The following BMPR1A variants were observed in gnomAD, a reference collection of about 807,000 sequenced individuals.
The protein encoded by BMPR1A is bone morphogenetic protein receptor type 1A, also known as bone morphogenetic protein receptor type-1A.
In BMPR1A, 7 loss-of-function variants were observed where a neutral mutation model predicts 66.0. That is an observed-to-expected ratio of 0.11 (90% CI 0.06 to 0.20). BMPR1A has a LOEUF of 0.20. Among genes scored for constraint, BMPR1A ranks in the 10% least tolerant of loss-of-function variants. BMPR1A has a pLI of 1.00. For missense variants in BMPR1A, 408 were observed against 669.1 expected (o/e 0.61, Z 4.31); for synonymous variants, 200 against 229.7 (o/e 0.87, Z 1.17).
chr10:86,899,748 T>G (rs1843278432), intron 5 of BMPR1A, 46 bp from the exon 6 acceptor site: 1 of 1,571,412 alleles, frequency 6.4e-7, no homozygotes. Context: ...ACATATCAGT[T>G]TAAAATACCA....
intron 1 of BMPR1A, among the ~76,000 whole-genome samples, chr10:86,789,296 CTT>C (rs1841564933): frequency 6.6e-6 from 1 of 152,142 alleles, no homozygotes; most frequent in Non-Finnish European, 1.5e-5. Flanking sequence ...ATAAATTAAA[CTT>C]TATCAAAATT....
At chr10:86,915,282 C>T (rs952640310) in intron 8 of BMPR1A, among the ~76,000 whole-genome samples, 3 of 152,070 alleles carry the variant, frequency 2.0e-5, no homozygotes, top group East Asian at 1.9e-4. Context: ...CCACCCGCCT[C>T]GGCCTCCCAA....
At chr10:86,792,816 G>T (rs1229883754) in intron 1 of BMPR1A, among the ~76,000 whole-genome samples, 1 of 152,108 alleles carries the variant, frequency 6.6e-6, no homozygotes, top group African/African-American at 2.4e-5. Flanking sequence ...ATTGTATTTG[G>T]ATTCTGTTGA....
intron 7 of BMPR1A, among the ~76,000 whole-genome samples, chr10:86,910,416 C>A (rs889013343): frequency 6.6e-6 from 1 of 152,020 alleles, no homozygotes; most frequent in African/African-American, 2.4e-5. Flanking sequence ...TACTATCTAG[C>A]CATTAAAGAA....
intron 4 of BMPR1A, among the ~76,000 whole-genome samples, chr10:86,891,810 T>C (rs1428354751): frequency 1.3e-5 from 2 of 152,258 alleles, no homozygotes; most frequent in Non-Finnish European, 2.9e-5. Flanking sequence ...CATAAAATTT[T>C]ATAAATCAGC....
At chr10:86,918,602 T>G (rs1843610870) in intron 9 of BMPR1A, among the ~76,000 whole-genome samples, 1 of 151,934 alleles carries the variant, frequency 6.6e-6, no homozygotes, top group Non-Finnish European at 1.5e-5. Context: ...ATATGTCATC[T>G]TTTTCTTTTC....
Position 86,913,449 on chromosome 10 carries a change from A to G in BMPR1A, c.675+1065A>G, listed in dbSNP as rs186394492. On this transcript the variant is annotated intron_variant, in intron 8 of 12. Coordinates refer to ENST00000372037, the MANE Select transcript of BMPR1A (RefSeq NM_004329.3). Reference sequence around the variant, plus strand: ...ACCCTGATCTCTAATTTTGAAATTCATCTTATTAAATAACTCTAATTGAAT... The same window carrying G: ...ACCCTGATCTCTAATTTTGAAATTCGTCTTATTAAATAACTCTAATTGAAT... Among the ~76,000 whole-genome samples, 653 of 152,110 alleles carry G rather than the reference A, an allele frequency of 4.3e-3. 4 individuals are homozygous for G. Among genetic ancestry groups the G allele is most frequent in the African/African-American group, 0.013 (539 of 41,496 alleles).
intron 1 of BMPR1A, among the ~76,000 whole-genome samples, chr10:86,788,318 C>G (rs1175783265): frequency 6.6e-6 from 1 of 152,084 alleles, no homozygotes; most frequent in Non-Finnish European, 1.5e-5. Context: ...GCAGAAAAAC[C>G]TATAGGCTTT....
intron 2 of BMPR1A, among the ~76,000 whole-genome samples, chr10:86,853,985 T>A (rs1186395786): frequency 6.6e-6 from 1 of 152,190 alleles, no homozygotes; most frequent in Admixed American, 6.5e-5. Context: ...CTTGTCCTAA[T>A]AAGCCTGGGA....
At chr10:86,806,869 G>A (rs189147562) in intron 1 of BMPR1A, among the ~76,000 whole-genome samples, 1 of 151,968 alleles carries the variant, frequency 6.6e-6, no homozygotes, top group Non-Finnish European at 1.5e-5. Context: ...GTTTTCTGAG[G>A]TTCATGTTGT....
At chr10:86,864,926 C>T (rs1490845777) in intron 2 of BMPR1A, among the ~76,000 whole-genome samples, 1 of 152,140 alleles carries the variant, frequency 6.6e-6, no homozygotes, top group East Asian at 1.9e-4. Flanking sequence ...CCCCTAATCC[C>T]GCTTGAAGCA....
intron 3 of BMPR1A, among the ~76,000 whole-genome samples, chr10:86,878,101 A>G (rs908702615): frequency 6.6e-6 from 1 of 152,224 alleles, no homozygotes; most frequent in Non-Finnish European, 1.5e-5. Flanking sequence ...GTTATTTCTG[A>G]GAGATCATTA....
At chr10:86,886,618 C>T (rs896086301) in intron 3 of BMPR1A, among the ~76,000 whole-genome samples, 3 of 152,152 alleles carry the variant, frequency 2.0e-5, no homozygotes, top group South Asian at 2.1e-4. Context: ...CAGGAACCAT[C>T]AACAGAGTGG....
chr10:86,845,426 C>T (rs1842470359), intron 2 of BMPR1A, among the ~76,000 whole-genome samples: 1 of 152,212 alleles, frequency 6.6e-6, no homozygotes, highest in African/African-American at 2.4e-5. Flanking sequence ...TTAACTCCGG[C>T]AGGTCTGTGC....
intron 1 of BMPR1A, among the ~76,000 whole-genome samples, chr10:86,831,210 T>A (rs1842262985): frequency 6.6e-6 from 1 of 152,242 alleles, no homozygotes; most frequent in Non-Finnish European, 1.5e-5. Flanking sequence ...CCCTGCACCT[T>A]CCTTATACAC....
chr10:86,761,443 G>C (rs1841056659), intron 1 of BMPR1A, among the ~76,000 whole-genome samples: 1 of 152,172 alleles, frequency 6.6e-6, no homozygotes. Flanking sequence ...CTAGAGATAG[G>C]GATAAAATAT....
chr10:86,894,562 C>T (rs138709964), intron 5 of BMPR1A, among the ~76,000 whole-genome samples: 3 of 152,168 alleles, frequency 2.0e-5, no homozygotes, highest in South Asian at 2.1e-4. Context: ...CAGTGTTCAA[C>T]AGGCCCCTAG....
At chr10:86,788,722 T>G (rs745739472) in intron 1 of BMPR1A, among the ~76,000 whole-genome samples, 1 of 152,132 alleles carries the variant, frequency 6.6e-6, no homozygotes, top group East Asian at 1.9e-4. Context: ...ACTCTCCTGC[T>G]TCAGCCTCCT....
chr10:86,762,422 G>A (rs1049491060), intron 1 of BMPR1A, among the ~76,000 whole-genome samples: 7 of 152,234 alleles, frequency 4.6e-5, no homozygotes, highest in East Asian at 1.9e-4. Flanking sequence ...GCAGTGGTGC[G>A]ATCTGGGCTC....
Sources: allele counts gnomAD v4.1 joint callset (sites outside exome capture counted in the v4.1 genomes callset), GRCh38; gene constraint gnomAD v4.1.1; transcripts MANE v1.5; gene names NCBI Gene and HGNC (gene_info 2026-07-23, HGNC 2026-07-21).